Variants in MYO18A observed in about 807,000 individuals in gnomAD.
MYO18A encodes the protein myosin XVIIIA.
Under a neutral mutation model 235.8 loss-of-function variants are expected in MYO18A, and 78 were observed. The observed-to-expected ratio is 0.33, with a 90% CI of 0.28 to 0.40. MYO18A has a LOEUF of 0.40. Ranked by LOEUF, MYO18A falls within the 10% of genes least tolerant of loss-of-function variation. The pLI, the probability that MYO18A is intolerant of heterozygous loss-of-function variation, is 1.00. For synonymous variants in MYO18A, 977 were observed against 1,077.8 expected (o/e 0.91, Z 1.83); for missense variants, 2,215 against 2,699.3 (o/e 0.82, Z 3.98).
In MYO18A at chr17:29,145,267, G is replaced by A. The variant is rs147981923; in HGVS notation, c.999+20675C>T. On this transcript the variant is annotated intron_variant, in intron 2 of 41. Coordinates refer to ENST00000527372, the MANE Select transcript of MYO18A (RefSeq NM_078471.4). ...ATGGATTTAACCAACTGATCTGAAC[G>A]GTGCACGCACAATAAACGGGCTGGA... Among the ~76,000 whole-genome samples, 30 of 152,282 alleles carry A rather than the reference G, an allele frequency of 2.0e-4. 1 individual carries two copies. The highest frequency in any genetic ancestry group is 6.2e-4 in the South Asian group (3 of 4,826).
intron 2 of MYO18A, chr17:29,128,969 A>C (rs2067393994): frequency 2.8e-6 from 3 of 1,058,750 alleles, no homozygotes; most frequent in Non-Finnish European, 2.6e-6. Flanking sequence ...TGGACACAGC[A>C]GAGATGGAGC....
intron 2 of MYO18A, among the ~76,000 whole-genome samples, chr17:29,129,324 T>A (rs527879422): frequency 1.1e-3 from 174 of 152,272 alleles, no homozygotes; most frequent in Middle Eastern, 0.01. Flanking sequence ...CTCTCAAGGG[T>A]TTGGAGACCC....
chr17:29,079,890 G>A (rs116625318), intron 41 of MYO18A: 44,366 of 985,890 alleles, frequency 0.045, 1,043 homozygotes, highest in Non-Finnish European at 0.049. Flanking sequence ...GGCTGGAGAC[G>A]GTCGAGCCGC....
At chr17:29,082,584 G>A (rs1598268625) in intron 40 of MYO18A, 146 bp from the exon 41 acceptor site, 17 of 763,336 alleles carry the variant, frequency 2.2e-5, no homozygotes, top group Non-Finnish European at 4.2e-6. Context: ...GAATGAGAGA[G>A]GTTAGACAGA....
chr17:29,166,689 A>G lies in MYO18A; in HGVS notation c.252T>C (p.Asp84=), dbSNP rs1366410973. ...SDLHLTDIDS[D]SNRGSVILDS... Reference sequence around the variant, plus strand: ...CCAGGATGACGCTGCCCCGGTTACTATCGGAGTCAATGTCAGTCAGGTGCA... The same window carrying G: ...CCAGGATGACGCTGCCCCGGTTACTGTCGGAGTCAATGTCAGTCAGGTGCA... Residue 84 remains aspartate (D), a synonymous_variant, in exon 2 of 42, where the codon GAT becomes GAC. Coordinates refer to ENST00000527372, the MANE Select transcript of MYO18A (RefSeq NM_078471.4). 3 of 1,613,720 alleles carry G rather than the reference A, an allele frequency of 1.9e-6. No individual in the cohort carries two copies. Among genetic ancestry groups the G allele is most frequent in the African/African-American group, 1.3e-5 (1 of 75,002 alleles).
At position 29,093,265 on chromosome 17, in the gene MYO18A, T is replaced by C. The variant is rs974928199; in HGVS notation, c.4926+58A>G. ...GGCTCCCCATCCCTAGGATCCCCACTCCTCAGGCCGCATGGGCAGGGAGCC... is the reference window on the plus strand; with the variant it reads ...GGCTCCCCATCCCTAGGATCCCCACCCCTCAGGCCGCATGGGCAGGGAGCC... On this transcript the variant is annotated intron_variant, in intron 32 of 41. Transcript: ENST00000527372. 3 of 1,457,398 alleles carry C rather than the reference T, an allele frequency of 2.1e-6. No homozygotes were observed. The African/African-American group carries it at 4.2e-5, about 20-fold the overall frequency. 90.3% of individuals were successfully genotyped at this position (1,457,398 alleles called of 1,614,324 possible).
In MYO18A at chr17:29,120,938, T is replaced by C. The variant is rs1445210699; in HGVS notation, c.1585+60A>G. 2.5e-6 allele frequency: 4 copies of C among 1,570,096 alleles called. No homozygotes were observed. Among genetic ancestry groups the C allele is most frequent in the Non-Finnish European group, 2.6e-6 (3 of 1,154,940 alleles). On this transcript the variant is annotated intron_variant, in intron 6 of 41. Coordinates refer to ENST00000527372, the MANE Select transcript of MYO18A (RefSeq NM_078471.4). This position sits in a 1 kb window ranked among gnomAD's most constrained non-coding sequence, Gnocchi z 4.2. Reference sequence around the variant, plus strand: ...AAAGAGCTGGCACTTAAGAGGGTGCTCTCTCCTCACTCCCCTCCCCTCACC... The same window carrying C: ...AAAGAGCTGGCACTTAAGAGGGTGCCCTCTCCTCACTCCCCTCCCCTCACC...
intron 19 of MYO18A, 169 bp from the exon 20 acceptor site, chr17:29,107,358 G>A: frequency 3.2e-6 from 2 of 627,410 alleles, no homozygotes; most frequent in Non-Finnish European, 5.7e-6. Context: ...GGGTAGGCAG[G>A]GAAGAGGAAG....
chr17:29,108,522 T>C (rs889797552), intron 19 of MYO18A, among the ~76,000 whole-genome samples: 3 of 152,214 alleles, frequency 2.0e-5, no homozygotes, highest in African/African-American at 7.2e-5. Context: ...GGAGCGACTG[T>C]CTTGCTCAAG....
rs971189925 is a variant in MYO18A, at chr17:29,120,729, G to A, written c.1615C>T (p.Leu539=). The change falls in exon 7 of 42, where the codon CTG becomes TTG. Residue 539 remains leucine, a synonymous_variant. Coordinates refer to ENST00000527372, the MANE Select transcript of MYO18A (RefSeq NM_078471.4). This position sits in a 1 kb window ranked among gnomAD's most constrained non-coding sequence, Gnocchi z 4.2. ...GTGGGGCTGTTCCCAAAGGCTTCCA[G>A]GAGGGTGTACAGAGCCTGCCACTTC... ...VEKWQALYTL[L]EAFGNSPTII... 3.7e-6 allele frequency: 6 copies of A among 1,613,912 alleles called. No individual in the cohort carries two copies. The Middle Eastern group carries it at 5.0e-4, about 133-fold the overall frequency.
intron 2 of MYO18A, among the ~76,000 whole-genome samples, chr17:29,151,822 C>T (rs1488133018): frequency 1.3e-5 from 2 of 152,202 alleles, no homozygotes; most frequent in East Asian, 1.9e-4. Flanking sequence ...GAACTTTCAA[C>T]AGCAAATAAG....
At chr17:29,094,447 G>C in intron 30 of MYO18A, 1 of 629,230 alleles carries the variant, frequency 1.6e-6, no homozygotes, top group Non-Finnish European at 2.8e-6. Context: ...CATCAGATTT[G>C]TTTTTGTGGA....
rs914497536 is a variant in MYO18A at position 29,072,023 on chromosome 17, T to C, written c.*2747A>G. The C allele has an allele frequency of 6.6e-6, 1 of 152,168 alleles. No homozygotes were observed. The highest frequency in any genetic ancestry group is 1.5e-5 in the Non-Finnish European group (1 of 68,036). The allele number at this position is 152,168 out of a possible 1,614,324, so 9.4% of individuals were successfully genotyped here. A position where few individuals can be genotyped will look rare whatever the true frequency, so the allele number is the denominator to read the frequency against. ...CCCAGGCCGGGTTATTGGAGGTTGA[T>C]GTTGGAGTTTCCAGTTAACCAGAGG... On this transcript the variant is annotated 3_prime_UTR_variant, in exon 42 of 42. Coordinates refer to ENST00000527372, the MANE Select transcript of MYO18A (RefSeq NM_078471.4).
intron 2 of MYO18A, among the ~76,000 whole-genome samples, chr17:29,160,862 G>C (rs1280796767): frequency 1.3e-5 from 2 of 152,210 alleles, no homozygotes; most frequent in Non-Finnish European, 2.9e-5. Context: ...GACTAGACTT[G>C]GCTGGGAGGG....
At chr17:29,091,518 C>T in intron 34 of MYO18A, 1 of 428,490 alleles carries the variant, frequency 2.3e-6, no homozygotes, top group Non-Finnish European at 4.7e-6. Flanking sequence ...TGTTACTGGG[C>T]TGTGGGGAGC....
intron 2 of MYO18A, among the ~76,000 whole-genome samples, chr17:29,143,645 G>A (rs1042467362): frequency 7.2e-5 from 11 of 152,202 alleles, no homozygotes; most frequent in Non-Finnish European, 1.5e-5. Flanking sequence ...CCCTTTTTAA[G>A]GGATAAAAGA....
In MYO18A at chr17:29,087,110, G is replaced by A; in HGVS notation, c.5538C>T (p.Ser1846=). The A allele has an allele frequency of 6.2e-7, 1 of 1,613,270 alleles. No individual in the cohort carries two copies. The highest frequency in any genetic ancestry group is 8.5e-7 in the Non-Finnish European group (1 of 1,179,506). Reference sequence around the variant, plus strand: ...GCTTCTCCATGTTTTCCTTGAGACGGCTAGCCAGGCTCTGGATAGGTAGGT... The same window carrying A: ...GCTTCTCCATGTTTTCCTTGAGACGACTAGCCAGGCTCTGGATAGGTAGGT... The part of the protein sequence containing the change: ...TQVKRLESLA[S]RLKENMEKLT... The change falls in exon 38 of 42, where the codon AGC becomes AGT. Residue 1846 remains serine (S), a synonymous_variant. Coordinates refer to ENST00000527372, the MANE Select transcript of MYO18A (RefSeq NM_078471.4).
At chr17:29,084,129 G>A (rs1034410191) in intron 40 of MYO18A, among the ~76,000 whole-genome samples, 8 of 152,144 alleles carry the variant, frequency 5.3e-5, no homozygotes, top group African/African-American at 1.9e-4. Flanking sequence ...GCCATCAGCC[G>A]GAACCTGGTT....
rs775324762 is a variant in MYO18A, at chr17:29,166,095, G to A, written c.846C>T (p.His282=). The A allele has an allele frequency of 6.2e-7, 1 of 1,613,544 alleles. No homozygotes were observed. The highest frequency in any genetic ancestry group is 1.1e-5 in the South Asian group (1 of 91,086). Residue 282 remains histidine (H), a synonymous_variant, in exon 2 of 42, where the codon CAC becomes CAT. Coordinates refer to ENST00000527372, the MANE Select transcript of MYO18A (RefSeq NM_078471.4). ...PGDRLVEING[H]NVESKSRDEI... ...CATCCCTGGACTTGCTCTCCACATT[G>A]TGCCCATTAATCTCCACCAGTCGAT...
Sources: gnomAD v4.1 joint callset for allele counts (sites outside exome capture counted in the v4.1 genomes callset) on GRCh38, gnomAD v4.1.1 for gene constraint, Gnocchi (gnomAD v3.1) non-coding constraint, MANE v1.5 for transcripts, NCBI Gene and HGNC (gene_info 2026-07-23, HGNC 2026-07-21) for gene names.